ZHX2: variants seen among roughly 807,000 people sequenced by gnomAD.
The protein encoded by ZHX2 is zinc fingers and homeoboxes protein 2.
In ZHX2, 6 loss-of-function variants were observed where a neutral mutation model predicts 21.9. That is an observed-to-expected ratio of 0.27 (90% confidence interval 0.15 to 0.54). ZHX2 has a LOEUF of 0.54. Among genes scored for constraint, ZHX2 ranks in the 20% least tolerant of loss-of-function variants. The pLI is 0.95. For missense variants in ZHX2, 908 were observed against 1,090.7 expected (o/e 0.83, Z 2.36); for synonymous variants, 434 against 437.1 (o/e 0.99, Z 0.09).
intron 1 of ZHX2, among the ~76,000 whole-genome samples, chr8:122,805,127 T>C (rs891863292): frequency 2.0e-5 from 3 of 152,010 alleles, no homozygotes; most frequent in African/African-American, 7.3e-5. Context: ...GTGCAAATAG[T>C]TTATGTGAGA....
At chr8:122,895,439 G>A (rs1354177757) in intron 2 of ZHX2, among the ~76,000 whole-genome samples, 1 of 152,218 alleles carries the variant, frequency 6.6e-6, no homozygotes, top group Non-Finnish European at 1.5e-5. Flanking sequence ...ATTATTTCCA[G>A]CATAATTGGC....
At position 122,907,437 on chromosome 8, in the gene ZHX2, C is replaced by T. The variant is rs561410562; in HGVS notation, c.-219-43855C>T. 8.5e-5 allele frequency among the ~76,000 whole-genome samples: 13 copies of T among 152,220 alleles called. No individual in the cohort carries two copies. In the East Asian group the frequency reaches 9.7e-4, roughly 11 times the overall value. ...CTTTTGAGTCTCTGATTAGCCTTTC[C>T]AAAGGAGGCAATCAGATATGCATCT... is the stretch of plus-strand genomic sequence containing the variant. On this transcript the variant is annotated intron_variant, in intron 2 of 3. Transcript: ENST00000314393.
At chr8:122,945,901 G>A (rs1372160217) in intron 2 of ZHX2, among the ~76,000 whole-genome samples, 1 of 152,148 alleles carries the variant, frequency 6.6e-6, no homozygotes, top group Non-Finnish European at 1.5e-5. Context: ...TGACTGGCTG[G>A]AGTCTCCCCA....
chr8:122,960,486 C>T (rs1232369392), intron 3 of ZHX2, among the ~76,000 whole-genome samples: 1 of 151,958 alleles, frequency 6.6e-6, no homozygotes, highest in Admixed American at 6.6e-5. Context: ...TACAGTGAGC[C>T]GAGATCGCAC....
At chr8:122,873,076 A>G (rs1422662858) in intron 2 of ZHX2, among the ~76,000 whole-genome samples, 1 of 152,244 alleles carries the variant, frequency 6.6e-6, no homozygotes, top group East Asian at 1.9e-4. Context: ...CCCACCGGGC[A>G]TTGTGGGACC....
chr8:122,822,942 C>T (rs16897508), intron 1 of ZHX2, among the ~76,000 whole-genome samples: 4,072 of 152,288 alleles, frequency 0.027, 203 homozygotes, highest in African/African-American at 0.092. Context: ...GTACCTCATC[C>T]GATTTCAGCT....
At chr8:122,893,686 C>G (rs1820033671) in intron 2 of ZHX2, among the ~76,000 whole-genome samples, 1 of 152,002 alleles carries the variant, frequency 6.6e-6, no homozygotes, top group Non-Finnish European at 1.5e-5. Flanking sequence ...CTTTTTATAT[C>G]TCTTTGTTGA....
At chr8:122,857,566 A>G (rs1819056773) in intron 1 of ZHX2, among the ~76,000 whole-genome samples, 1 of 152,202 alleles carries the variant, frequency 6.6e-6, no homozygotes, top group African/African-American at 2.4e-5. Context: ...CTGGGAACAC[A>G]GGCTCTTCTG....
intron 2 of ZHX2, among the ~76,000 whole-genome samples, chr8:122,884,718 A>C (rs1489130314): frequency 6.6e-6 from 1 of 152,176 alleles, no homozygotes; most frequent in Non-Finnish European, 1.5e-5. Context: ...ATGTGGTGGA[A>C]ATGCAGGGTG....
intron 2 of ZHX2, among the ~76,000 whole-genome samples, chr8:122,883,528 A>G (rs1354297816): frequency 6.6e-6 from 1 of 152,252 alleles, no homozygotes; most frequent in Non-Finnish European, 1.5e-5. Context: ...CCATAATGCA[A>G]CATATGTGTT....
chr8:122,953,918 C>T lies in ZHX2; in HGVS notation c.2408C>T (p.Ala803Val), dbSNP rs777700550. 1.6e-5 allele frequency: 26 copies of T among 1,613,992 alleles called. No individual in the cohort carries two copies. Among genetic ancestry groups the T allele is most frequent in the East Asian group, 2.2e-5 (1 of 44,868 alleles). Residue 803 changes from alanine (A) to valine (V), a missense_variant, in exon 3 of 4, where the codon GCG (alanine) becomes GTG (valine). Ala to Val is a moderately conservative substitution (Grantham distance 64). Coordinates refer to ENST00000314393, the MANE Select transcript of ZHX2 (RefSeq NM_014943.5). The surrounding 1 kb of genome is among the most constrained non-coding windows in gnomAD (Gnocchi z 4.6). ...YVEVTVGEED[A>V]ISDRSDSWSQ... ...GAGGTGACGGTCGGGGAGGAGGATG[C>T]GATCTCAGATAGATCAGATAGCTGG...
intron 3 of ZHX2, among the ~76,000 whole-genome samples, chr8:122,955,783 A>G (rs1355047318): frequency 6.8e-6 from 1 of 146,888 alleles, no homozygotes; most frequent in Non-Finnish European, 1.5e-5. Context: ...CCATTCTCCC[A>G]CCTTAGAAGA....
At position 122,828,010 on chromosome 8, in the gene ZHX2, A is replaced by G. The variant is rs1326826065; in HGVS notation, c.-282-35467A>G. On this transcript the variant is annotated intron_variant, in intron 1 of 3. Coordinates refer to ENST00000314393, the MANE Select transcript of ZHX2 (RefSeq NM_014943.5). This position sits in a 1 kb window ranked among gnomAD's most constrained non-coding sequence, Gnocchi z 5.2. ...ACAACTGTAGTCCCAGCTACTCGGG[A>G]GGCTGAGATGGGAGGATCACTTGAG... Among the ~76,000 whole-genome samples the G allele has an allele frequency of 6.6e-6, 1 of 152,162 alleles. No individual in the cohort carries two copies. Among genetic ancestry groups the G allele is most frequent in the Non-Finnish European group, 1.5e-5 (1 of 68,022 alleles).
At chr8:122,938,022 G>A (rs1254691404) in intron 2 of ZHX2, among the ~76,000 whole-genome samples, 5 of 120,772 alleles carry the variant, frequency 4.1e-5, no homozygotes, top group African/African-American at 6.3e-5. Flanking sequence ...TGCAACCTCC[G>A]CCTCCCGGGT....
intron 2 of ZHX2, among the ~76,000 whole-genome samples, chr8:122,929,065 T>C (rs968102236): frequency 2.6e-5 from 4 of 152,224 alleles, no homozygotes; most frequent in African/African-American, 9.6e-5. Flanking sequence ...TTGTGTTAGT[T>C]TCTATTATTT....
intron 1 of ZHX2, chr8:122,808,848 G>A (rs1228929579): frequency 6.6e-6 from 1 of 152,222 alleles, no homozygotes; most frequent in African/African-American, 2.4e-5. Flanking sequence ...AGTTTGAGTT[G>A]GAGCTCCAAA....
chr8:122,868,763 G>A (rs1212308698), intron 2 of ZHX2, among the ~76,000 whole-genome samples: 1 of 151,806 alleles, frequency 6.6e-6, no homozygotes, highest in Non-Finnish European at 1.5e-5. Flanking sequence ...AAGAGGCTGA[G>A]GCAGGAGGAT....
intron 2 of ZHX2, among the ~76,000 whole-genome samples, chr8:122,915,150 T>C (rs990074218): frequency 2.0e-5 from 3 of 152,174 alleles, no homozygotes; most frequent in African/African-American, 7.2e-5. Context: ...TTACAGGTAA[T>C]GCAGTGAAGA....
At chr8:122,931,937 A>T (rs1188500401) in intron 2 of ZHX2, among the ~76,000 whole-genome samples, 2 of 152,060 alleles carry the variant, frequency 1.3e-5, no homozygotes, top group African/African-American at 4.8e-5. Context: ...CGCTAGATGA[A>T]CCGTAGACCT....
Sources: gnomAD v4.1 joint callset for allele counts (sites outside exome capture counted in the v4.1 genomes callset) on GRCh38, gnomAD v4.1.1 for gene constraint, Gnocchi (gnomAD v3.1) non-coding constraint, MANE v1.5 for transcripts, NCBI Gene and HGNC (gene_info 2026-07-23, HGNC 2026-07-21) for gene names.